The following CDK11A variants were observed in gnomAD, a reference collection of about 807,000 sequenced individuals.
CDK11A encodes cyclin dependent kinase 11A, also known as cyclin-dependent kinase 11A.
In CDK11A, 55 loss-of-function variants were observed where a neutral mutation model predicts 83.6. The observed-to-expected ratio is 0.66, with a 90% CI of 0.53 to 0.82. The LOEUF (loss-of-function observed/expected upper bound fraction) is 0.82. Ranked by LOEUF, CDK11A falls within the 40% of genes least tolerant of loss-of-function variation. The probability of loss-of-function intolerance (pLI) is 0.00; values close to 1 mark genes in which losing one functional copy is unlikely to be tolerated. For synonymous variants in CDK11A, 247 were observed against 302.7 expected (o/e 0.82, Z 1.91); for missense variants, 564 against 810.1 (o/e 0.70, Z 3.69).
chr1:1,707,388 G>A lies in CDK11A; in HGVS notation c.1245+21C>T, dbSNP rs778360828. On this transcript the variant is annotated intron_variant, in intron 11 of 19. Coordinates refer to ENST00000404249, the MANE Select transcript of CDK11A (RefSeq NM_024011.4). Reference sequence around the variant, plus strand: ...CGACTGCCAATGCGGACAGCGGCCCGGGGCGAGGGGAGGGCCTGACCTGCA... The same window carrying A: ...CGACTGCCAATGCGGACAGCGGCCCAGGGCGAGGGGAGGGCCTGACCTGCA... 5.2e-5 allele frequency: 84 copies of A among 1,604,370 alleles called. 2 individuals carry two copies. The Admixed American group carries it at 1.2e-3, about 23-fold the overall frequency.
At chr1:1,718,972 G>A (rs1488147170) in intron 4 of CDK11A, among the ~76,000 whole-genome samples, 1 of 150,958 alleles carries the variant, frequency 6.6e-6, no homozygotes. Context: ...CCTTCTGAAT[G>A]GTCTGTGACA....
In CDK11A at chr1:1,704,772, T is replaced by A. The variant is rs757402994; in HGVS notation, c.1459-117A>T. ...CCGGTGCCACCCGGGAGGCAAATAC[T>A]TGCTTCTGTGTGGTCTGTGAAGGGC... On this transcript the variant is annotated intron_variant, in intron 13 of 19. Transcript: ENST00000404249. The A allele has an allele frequency of 1.9e-6, 3 of 1,598,330 alleles. No individual in the cohort carries two copies. In the South Asian group the frequency reaches 3.4e-5, roughly 18 times the overall value.
At chr1:1,714,758 G>A (rs1271784962) in intron 5 of CDK11A, among the ~76,000 whole-genome samples, 8 of 137,240 alleles carry the variant, frequency 5.8e-5, no homozygotes, top group East Asian at 2.2e-4. Flanking sequence ...ACGTTCAGGC[G>A]TCATTCGCAT....
At chr1:1,718,849 G>A (rs1644784712) in intron 4 of CDK11A, among the ~76,000 whole-genome samples, 1 of 150,234 alleles carries the variant, frequency 6.7e-6, no homozygotes, top group Admixed American at 6.7e-5. Context: ...TGTTAGCCAG[G>A]ATGGTCTTGA....
At position 1,704,027 on chromosome 1, in the gene CDK11A, C is replaced by T; in HGVS notation, c.1794+12G>A. ...GGGGGACAGGGGAGGCACTCAGACG[C>T]CCAGGACTCACCTTGGCACCAAGCA... On this transcript the variant is annotated intron_variant, in intron 16 of 19. Transcript: ENST00000404249. 6.3e-7 allele frequency: 1 copy of T among 1,598,272 alleles called. No homozygotes were observed. The highest frequency in any genetic ancestry group is 8.5e-7 in the Non-Finnish European group (1 of 1,170,574).
chr1:1,724,225 C>G (rs935133464), intron 1 of CDK11A, 33 bp downstream of exon 1: 4 of 151,544 alleles, frequency 2.6e-5, no homozygotes, highest in Admixed American at 2.6e-4. Context: ...TCTCGTCGCG[C>G]TCCCACACCT....
intron 5 of CDK11A, among the ~76,000 whole-genome samples, chr1:1,714,994 G>C (rs1644585260): frequency 6.7e-6 from 1 of 149,610 alleles, no homozygotes; most frequent in African/African-American, 2.5e-5. Flanking sequence ...GCTCTAAACG[G>C]AGTAACCCCT....
intron 2 of CDK11A, 63 bp from the exon 3 acceptor site, chr1:1,721,774 G>A: frequency 7.0e-6 from 10 of 1,433,736 alleles, no homozygotes; most frequent in Non-Finnish European, 8.5e-6. Context: ...ATAGATAAAA[G>A]TATTTTTAAT....
chr1:1,704,974 A>G lies in CDK11A; in HGVS notation c.1388T>C (p.Phe463Ser). The G allele has an allele frequency of 6.3e-7, 1 of 1,598,748 alleles. No homozygotes were observed. The highest frequency in any genetic ancestry group is 1.1e-5 in the South Asian group (1 of 89,466). Reference sequence around the variant, plus strand: ...GATCTCCCTCAGGGACGTGATCGGGAAGCCCTCCTTCTCCTTCTCCATCTT... The same window carrying G: ...GATCTCCCTCAGGGACGTGATCGGGGAGCCCTCCTTCTCCTTCTCCATCTT... ...RLKMEKEKEG[F>S]PITSLREINT... Residue 463 changes from phenylalanine (F) to serine (S), a missense_variant, in exon 13 of 20, where the codon TTC becomes TCC. Physicochemically the swap from Phe to Ser is radical, Grantham distance 155. This residue lies in a region of CDK11A where 361 missense variants were observed against 402.7 expected (regional missense o/e 0.90). Coordinates refer to ENST00000404249, the MANE Select transcript of CDK11A (RefSeq NM_024011.4).
In CDK11A at chr1:1,714,844, C is replaced by T. The variant is rs991715118; in HGVS notation, c.488+1502G>A. Among the ~76,000 whole-genome samples the T allele has an allele frequency of 1.4e-5, 2 of 145,420 alleles. 1 individual carries two copies. Among genetic ancestry groups the T allele is most frequent in the African/African-American group, 5.0e-5 (2 of 40,094 alleles). ...AGGGCTGGTCACAAGTGGGTGGCGGCTCGAGCTCTCTCCAGTCTCTGCTGC... is the reference window on the plus strand; with the variant it reads ...AGGGCTGGTCACAAGTGGGTGGCGGTTCGAGCTCTCTCCAGTCTCTGCTGC... On this transcript the variant is annotated intron_variant, in intron 5 of 19. Transcript: ENST00000404249.
intron 18 of CDK11A, 35 bp downstream of exon 18, chr1:1,703,441 C>G (rs1196858718): frequency 6.9e-7 from 1 of 1,452,392 alleles, no homozygotes. Context: ...CGCTATGGCT[C>G]GGGACCTCCC....
At chr1:1,720,973 T>C (rs1239324476) in intron 3 of CDK11A, among the ~76,000 whole-genome samples, 1 of 150,790 alleles carries the variant, frequency 6.6e-6, no homozygotes, top group Non-Finnish European at 1.5e-5. Flanking sequence ...CTCGCACCTG[T>C]AATCCCAGCA....
At chr1:1,708,145 C>G (rs1292169985) in intron 10 of CDK11A, 35 bp downstream of exon 10, 1 of 1,564,110 alleles carries the variant, frequency 6.4e-7, no homozygotes, top group African/African-American at 1.4e-5. Flanking sequence ...CGGAGACAGA[C>G]AAGGAGGGGG....
rs570149811 is a variant in CDK11A at position 1,704,418 on chromosome 1, C to T, written c.1565-74G>A. The T allele has an allele frequency of 1.8e-5, 28 of 1,578,514 alleles. 1 individual carries two copies. Among genetic ancestry groups the T allele is most frequent in the African/African-American group, 6.8e-5 (5 of 73,888 alleles). The stretch of plus-strand genomic sequence containing the variant: ...GGCACTCAGGGTGGCCCGCTCGCCT[C>T]GGCAGCAACAGAGGCTTCTCAGGGC... On this transcript the variant is annotated intron_variant, in intron 14 of 19. Coordinates refer to ENST00000404249, the MANE Select transcript of CDK11A (RefSeq NM_024011.4).
chr1:1,717,953 C>T (rs28635530), intron 4 of CDK11A, among the ~76,000 whole-genome samples: 46,612 of 146,272 alleles, frequency 0.32, 9,271 homozygotes, highest in East Asian at 0.53. Flanking sequence ...CTCTATAGCC[C>T]TTCTGAATGG....
chr1:1,717,650 ACG>A (rs1644719966), intron 4 of CDK11A, among the ~76,000 whole-genome samples: 1 of 48,178 alleles, frequency 2.1e-5, no homozygotes, highest in Non-Finnish European at 7.5e-5. Flanking sequence ...TCTGTGACAC[ACG>A]CATGCTTTCA....
Position 1,708,113 on chromosome 1 carries a change from C to A in CDK11A, c.1069+67G>T, listed in dbSNP as rs1174005694. On this transcript the variant is annotated intron_variant, in intron 10 of 19. Coordinates refer to ENST00000404249, the MANE Select transcript of CDK11A (RefSeq NM_024011.4). The stretch of plus-strand genomic sequence containing the variant: ...CCCCACGCCGCGCAGGACCGGCTGT[C>A]TTAGGAGAGGGCTGCTGCACTCGGA... 1.2e-5 allele frequency: 19 copies of A among 1,585,754 alleles called. 1 individual carries two copies. Among genetic ancestry groups the A allele is most frequent in the Non-Finnish European group, 1.5e-5 (18 of 1,164,132 alleles).
chr1:1,720,527 T>G (rs1644866574), intron 3 of CDK11A, among the ~76,000 whole-genome samples: 1 of 150,670 alleles, frequency 6.6e-6, no homozygotes, highest in Admixed American at 6.7e-5. Context: ...GCCTCCGGAG[T>G]AGCTGGGAGT....
chr1:1,707,228 GAA>G (rs1335449039), intron 11 of CDK11A, among the ~76,000 whole-genome samples, 179 bp downstream of exon 11: 1 of 144,438 alleles, frequency 6.9e-6, no homozygotes, highest in African/African-American at 2.7e-5. Context: ...TCCAGCATGA[GAA>G]AGAGGCGGGA....
Sources: allele counts gnomAD v4.1 joint callset (sites outside exome capture counted in the v4.1 genomes callset), GRCh38; gene constraint gnomAD v4.1.1; regional missense constraint gnomAD v4.1.1; transcripts MANE v1.5; gene names NCBI Gene and HGNC (gene_info 2026-07-23, HGNC 2026-07-21).